Variants in TFEC observed in about 807,000 individuals in gnomAD.
The protein encoded by TFEC is transcription factor EC, also known as class E basic helix-loop-helix protein 34.
Under a neutral mutation model 41.6 loss-of-function variants are expected in TFEC, and 31 were observed. That is an observed-to-expected ratio of 0.74 (90% CI 0.56 to 1.01). The LOEUF is 1.01. Among genes scored for constraint, TFEC ranks in the 50% least tolerant of loss-of-function variants. The pLI is 0.00. For synonymous variants in TFEC, 143 were observed against 140.6 expected (o/e 1.02, Z -0.12); for missense variants, 402 against 404.1 (o/e 0.99, Z 0.04).
intron 2 of TFEC, among the ~76,000 whole-genome samples, chr7:115,982,740 A>G (rs1793683436): frequency 6.6e-6 from 1 of 152,188 alleles, no homozygotes. Context: ...CTTCTGAGCC[A>G]TGAGATTATT....
chr7:116,132,739 T>C (rs185551197), intron 1 of TFEC, among the ~76,000 whole-genome samples: 47 of 152,368 alleles, frequency 3.1e-4, no homozygotes, highest in African/African-American at 1.0e-3. Context: ...TCGGGAACTA[T>C]AGAACATTCT....
intron 1 of TFEC, among the ~76,000 whole-genome samples, chr7:116,159,341 GATTA>G (rs1190049515): frequency 2.0e-5 from 3 of 151,834 alleles, no homozygotes; most frequent in Admixed American, 2.0e-4. Context: ...TTTCTGAGAT[GATTA>G]ATCGATGCTA....
intron 3 of TFEC, among the ~76,000 whole-genome samples, chr7:116,085,451 C>T (rs1001480075): frequency 6.6e-6 from 1 of 151,718 alleles, no homozygotes; most frequent in South Asian, 2.1e-4. Context: ...ACCCATAAAA[C>T]TTCGCTTAAA....
At chr7:116,115,905 A>G (rs970686438) in intron 1 of TFEC, among the ~76,000 whole-genome samples, 1 of 151,904 alleles carries the variant, frequency 6.6e-6, no homozygotes, top group Admixed American at 6.6e-5. Context: ...CTACAGCCCT[A>G]AGACATAGGC....
chr7:116,155,638 A>G (rs1798855178), intron 1 of TFEC, among the ~76,000 whole-genome samples: 1 of 152,204 alleles, frequency 6.6e-6, no homozygotes. Flanking sequence ...GCTCTTATGC[A>G]CTTGCTTTTA....
intron 6 of TFEC, 93 bp from the exon 7 acceptor site, chr7:115,942,133 A>G (rs1793539638): frequency 1.5e-6 from 2 of 1,305,624 alleles, no homozygotes; most frequent in Non-Finnish European, 2.1e-6. Context: ...TGAAATAATG[A>G]TTTACATGAC....
At chr7:116,018,637 G>A (rs560635211) in intron 1 of TFEC, among the ~76,000 whole-genome samples, 1 of 152,322 alleles carries the variant, frequency 6.6e-6, no homozygotes, top group East Asian at 1.9e-4. Context: ...TTTCTGGGGA[G>A]GAAGTTGAAG....
At chr7:116,025,957 A>G (rs1219607647) in intron 1 of TFEC, among the ~76,000 whole-genome samples, 1 of 152,230 alleles carries the variant, frequency 6.6e-6, no homozygotes, top group African/African-American at 2.4e-5. Context: ...GAAACACTCT[A>G]TCAACAAAAA....
At chr7:116,092,213 T>G (rs1042665066) in intron 3 of TFEC, among the ~76,000 whole-genome samples, 2 of 152,192 alleles carry the variant, frequency 1.3e-5, no homozygotes, top group Non-Finnish European at 1.5e-5. Context: ...GAAAGCACTT[T>G]CACATTGCCC....
At chr7:116,086,216 A>G (rs1410394985) in intron 3 of TFEC, among the ~76,000 whole-genome samples, 4 of 151,886 alleles carry the variant, frequency 2.6e-5, no homozygotes, top group African/African-American at 9.7e-5. Flanking sequence ...GGCACTTTAG[A>G]TTGATGCTTA....
At chr7:115,988,747 C>T (rs971926673) in intron 1 of TFEC, among the ~76,000 whole-genome samples, 2 of 151,750 alleles carry the variant, frequency 1.3e-5, no homozygotes, top group African/African-American at 4.8e-5. Context: ...CCAAGCAGAA[C>T]AAATGCCAAA....
intron 3 of TFEC, among the ~76,000 whole-genome samples, chr7:116,080,976 AGTGTGT>A (rs60317630): frequency 0.015 from 2,009 of 137,986 alleles, 25 homozygotes; most frequent in African/African-American, 0.032. Context: ...AAGAAAATGT[AGTGTGT>A]GTGTGTGTGT....
At chr7:116,099,820 T>G (rs1797564142) in intron 3 of TFEC, among the ~76,000 whole-genome samples, 1 of 152,228 alleles carries the variant, frequency 6.6e-6, no homozygotes. Context: ...ATACAGCATA[T>G]TATTACTAAA....
At chr7:116,052,744 A>G (rs2130961059) in intron 3 of TFEC, among the ~76,000 whole-genome samples, 1 of 151,250 alleles carries the variant, frequency 6.6e-6, no homozygotes, top group East Asian at 2.0e-4. Context: ...AGTATTTAAC[A>G]GAGTGTGACT....
In TFEC at chr7:115,937,543, A is replaced by C. The variant is rs1246608767; in HGVS notation, c.*3008T>G. 2 of 151,806 alleles carry C rather than the reference A, an allele frequency of 1.3e-5. No homozygotes were observed. The highest frequency in any genetic ancestry group is 3.0e-5 in the Non-Finnish European group (2 of 67,782). The allele number at this position is 151,806 out of a possible 1,614,324, so 9.4% of individuals were successfully genotyped here. On this transcript the variant is annotated 3_prime_UTR_variant, in exon 8 of 8. Coordinates refer to ENST00000265440, the MANE Select transcript of TFEC (RefSeq NM_012252.4). The stretch of plus-strand genomic sequence containing the variant: ...GATGTTTATAACACTCAGTAATTAT[A>C]GTGAAACTGACCCATATATAATAAA...
chr7:115,957,701 A>C (rs1419049818), intron 3 of TFEC, among the ~76,000 whole-genome samples: 1 of 151,908 alleles, frequency 6.6e-6, no homozygotes, highest in East Asian at 1.9e-4. Flanking sequence ...ATAAACCAAG[A>C]GCTGAATAAG....
intron 1 of TFEC, among the ~76,000 whole-genome samples, chr7:116,016,185 A>G (rs1795184557): frequency 6.6e-6 from 1 of 152,188 alleles, no homozygotes; most frequent in Admixed American, 6.5e-5. Context: ...AGGGAAGAGA[A>G]GGAGCAGAAG....
chr7:116,003,918 T>C lies in TFEC; in HGVS notation c.-72-19405A>G, dbSNP rs187474461. 4.6e-3 allele frequency among the ~76,000 whole-genome samples: 694 copies of C among 152,252 alleles called. 3 individuals are homozygous for C. The highest frequency in any genetic ancestry group is 0.01 in the Middle Eastern group (3 of 294). ...AAAGAAGAAATCTCAAAGCAAGTTT[T>C]AAAATATTTTGAATTAACTAAAAAT... On this transcript the variant is annotated intron_variant, in intron 1 of 7. Transcript: ENST00000265440.
chr7:116,060,780 A>G (rs1796536444), intron 3 of TFEC, among the ~76,000 whole-genome samples: 1 of 152,136 alleles, frequency 6.6e-6, no homozygotes, highest in South Asian at 2.1e-4. Context: ...TACTTGAGTG[A>G]TGAAATAACC....
Sources: gnomAD v4.1 joint callset for allele counts (sites outside exome capture counted in the v4.1 genomes callset) on GRCh38, gnomAD v4.1.1 for gene constraint, MANE v1.5 for transcripts, NCBI Gene and HGNC (gene_info 2026-07-23, HGNC 2026-07-21) for gene names.